The following DISC1 variants were observed in gnomAD, a reference collection of about 807,000 sequenced individuals.
DISC1 encodes DISC1 scaffold protein, also known as disrupted in schizophrenia 1 protein.
Under a neutral mutation model 84.5 loss-of-function variants are expected in DISC1, and 57 were observed. The ratio of observed to expected loss-of-function variants is 0.67; its 90% CI spans 0.55 to 0.84. The LOEUF (loss-of-function observed/expected upper bound fraction) is 0.84, where lower values mean the gene tolerates loss of function less well. DISC1 is among the 40% of genes least tolerant of loss of function. DISC1 has a pLI of 0.00. For synonymous variants in DISC1, 411 were observed against 415.2 expected (o/e 0.99, Z 0.12); for missense variants, 1,000 against 1,057.8 (o/e 0.95, Z 0.76).
In DISC1 at chr1:231,675,010, A is replaced by C. The variant is rs1253456417; in HGVS notation, c.68-18816A>C. ...CCCAAGAATAGCAGTATGATTGAAA[A>C]TGTGCCCACAAGCATAATCTCTGAA... On this transcript the variant is annotated intron_variant, in intron 1 of 12. Coordinates refer to ENST00000439617, the MANE Select transcript of DISC1 (RefSeq NM_018662.3). The surrounding 1 kb of genome is among the most constrained non-coding windows in gnomAD (Gnocchi z 4.1). Among the ~76,000 whole-genome samples, 1 of 152,178 alleles carries C rather than the reference A, an allele frequency of 6.6e-6. No individual in the cohort carries two copies. Among genetic ancestry groups the C allele is most frequent in the Non-Finnish European group, 1.5e-5 (1 of 68,044 alleles).
intron 9 of DISC1, among the ~76,000 whole-genome samples, chr1:231,929,181 T>G (rs2090511333): frequency 6.6e-6 from 1 of 152,184 alleles, no homozygotes; most frequent in African/African-American, 2.4e-5. Context: ...ACTATTGTTG[T>G]GTGGGAGCCT....
chr1:231,783,186 G>A (rs1043194975), intron 6 of DISC1, among the ~76,000 whole-genome samples: 3 of 152,058 alleles, frequency 2.0e-5, no homozygotes, highest in African/African-American at 7.2e-5. Context: ...TTTTGGGGGT[G>A]GGGGAAAGCT....
Position 231,904,133 on chromosome 1 carries a change from A to G in DISC1, c.1982-54695A>G, listed in dbSNP as rs199530172. On this transcript the variant is annotated intron_variant, in intron 9 of 12. Transcript: ENST00000439617. ...CCTGGTTCTTCATCTATCTTCATCT[A>G]TGGCACCTTTGAGGTAGGTATTGAG... Among the ~76,000 whole-genome samples the G allele has an allele frequency of 1.2e-3, 180 of 152,234 alleles. 1 individual carries two copies. The highest frequency in any genetic ancestry group is 0.01 in the Middle Eastern group (3 of 294).
At chr1:231,945,290 A>T (rs1656937480) in intron 9 of DISC1, 1 of 152,226 alleles carries the variant, frequency 6.6e-6, no homozygotes, top group African/African-American at 2.4e-5. Flanking sequence ...ATCAAATTAG[A>T]ACTCAAGATT....
At chr1:231,980,206 C>A (rs79700369) in intron 10 of DISC1, among the ~76,000 whole-genome samples, 3 of 152,148 alleles carry the variant, frequency 2.0e-5, no homozygotes, top group African/African-American at 7.2e-5. Context: ...TCATAATCCC[C>A]GGTTAGGCAA....
At chr1:231,641,077 G>C (rs1004378655) in intron 1 of DISC1, among the ~76,000 whole-genome samples, 1 of 152,194 alleles carries the variant, frequency 6.6e-6, no homozygotes, top group Non-Finnish European at 1.5e-5. Context: ...GAAGGAAAAG[G>C]GTTGGAACTG....
intron 9 of DISC1, among the ~76,000 whole-genome samples, chr1:231,873,175 A>G (rs2085594008): frequency 6.6e-6 from 1 of 152,240 alleles, no homozygotes; most frequent in Non-Finnish European, 1.5e-5. Flanking sequence ...TAAAGTGGCC[A>G]TGTTAAGGAG....
chr1:231,900,985 A>G (rs994105059), intron 9 of DISC1, among the ~76,000 whole-genome samples: 4 of 152,222 alleles, frequency 2.6e-5, no homozygotes, highest in Non-Finnish European at 5.9e-5. Flanking sequence ...AGTCAGCCAC[A>G]TACAGAACCT....
At chr1:231,771,207 T>C in intron 6 of DISC1, 137 bp downstream of exon 6, 1 of 1,451,610 alleles carries the variant, frequency 6.9e-7, no homozygotes, top group Non-Finnish European at 9.1e-7. Flanking sequence ...CATTGGTGTT[T>C]TGGGTGGGAA....
chr1:231,919,323 G>C (rs1462861671), intron 9 of DISC1, among the ~76,000 whole-genome samples: 1 of 152,206 alleles, frequency 6.6e-6, no homozygotes, highest in African/African-American at 2.4e-5. Flanking sequence ...TGTGTTATCA[G>C]CTGTAATAGT....
At chr1:231,765,017 C>G (rs1316649582) in intron 4 of DISC1, among the ~76,000 whole-genome samples, 1 of 151,882 alleles carries the variant, frequency 6.6e-6, no homozygotes, top group Non-Finnish European at 1.5e-5. Flanking sequence ...AGGTGAAACC[C>G]CGTCTCTACT....
chr1:231,818,681 C>T (rs1535530), intron 9 of DISC1, 164 bp downstream of exon 9: 979,516 of 1,437,096 alleles, frequency 0.68, 334,882 homozygotes, highest in East Asian at 0.78. Context: ...CTTGGCAAAC[C>T]GAATGGAATT....
chr1:231,804,754 G>C (rs1192653668), intron 8 of DISC1, among the ~76,000 whole-genome samples: 2 of 152,202 alleles, frequency 1.3e-5, no homozygotes, highest in African/African-American at 4.8e-5. Context: ...CCAGGTATAG[G>C]ATTAGTATTG....
chr1:231,790,297 G>A (rs1158228639), intron 6 of DISC1, among the ~76,000 whole-genome samples: 2 of 152,126 alleles, frequency 1.3e-5, no homozygotes, highest in African/African-American at 2.4e-5. Flanking sequence ...ACATGCATGA[G>A]TCTGCTAGGG....
chr1:231,834,748 A>G (rs1459494398), intron 9 of DISC1, among the ~76,000 whole-genome samples: 1 of 151,936 alleles, frequency 6.6e-6, no homozygotes, highest in Non-Finnish European at 1.5e-5. Flanking sequence ...AGAGACACGG[A>G]GAGAAGGGAT....
chr1:231,652,337 T>C (rs1028212653), intron 1 of DISC1, among the ~76,000 whole-genome samples: 2 of 152,252 alleles, frequency 1.3e-5, no homozygotes, highest in African/African-American at 4.8e-5. Flanking sequence ...TATTGTGTTA[T>C]TATCGTTATT....
chr1:231,799,477 T>A (rs1031857473), intron 7 of DISC1, among the ~76,000 whole-genome samples: 1 of 151,962 alleles, frequency 6.6e-6, no homozygotes, highest in Non-Finnish European at 1.5e-5. Flanking sequence ...TAGAATTACA[T>A]GGTGTATCAT....
intron 10 of DISC1, among the ~76,000 whole-genome samples, chr1:231,997,708 G>A (rs1666136156): frequency 6.6e-6 from 1 of 152,080 alleles, no homozygotes; most frequent in Admixed American, 6.6e-5. Flanking sequence ...AATTACAATT[G>A]AGGGAGACTA....
At chr1:231,827,550 T>C (rs1179403928) in intron 9 of DISC1, among the ~76,000 whole-genome samples, 3 of 152,232 alleles carry the variant, frequency 2.0e-5, no homozygotes, top group African/African-American at 7.2e-5. Context: ...AGCTGCCATA[T>C]GTTAACAACC....
Sources: allele counts gnomAD v4.1 joint callset (sites outside exome capture counted in the v4.1 genomes callset), GRCh38; gene constraint gnomAD v4.1.1; non-coding constraint Gnocchi (gnomAD v3.1); transcripts MANE v1.5; gene names NCBI Gene and HGNC (gene_info 2026-07-23, HGNC 2026-07-21).